The following DLC1 variants were observed in gnomAD, a reference collection of about 807,000 sequenced individuals.
DLC1 encodes rho GTPase-activating protein 7.
In DLC1, 54 loss-of-function variants were observed where a neutral mutation model predicts 140.3. That is an observed-to-expected ratio of 0.38 (90% CI 0.31 to 0.48). DLC1 has a LOEUF of 0.48. Ranked by LOEUF, DLC1 falls within the 20% of genes least tolerant of loss-of-function variation. The probability of loss-of-function intolerance (pLI) is 0.96; values close to 1 mark genes in which losing one functional copy is unlikely to be tolerated. For missense variants in DLC1, 2,536 were observed against 1,907.0 expected (o/e 1.33, Z -6.14); for synonymous variants, 986 against 728.1 (o/e 1.35, Z -5.70).
intron 5 of DLC1, among the ~76,000 whole-genome samples, chr8:13,188,803 A>ATATATATATATATATATATATATGTG (rs1563149520): frequency 3.6e-3 from 151 of 41,392 alleles, no homozygotes; most frequent in Non-Finnish European, 6.1e-3. Context: ...GTGTGTGTGT[A>ATATATATATATATATATATATATGTG]TATATATATA....
chr8:13,237,718 C>T (rs556567293), intron 5 of DLC1, among the ~76,000 whole-genome samples: 24 of 152,164 alleles, frequency 1.6e-4, no homozygotes, highest in South Asian at 4.1e-4. Context: ...TATGCTATTC[C>T]GGGAGATGGT....
At chr8:13,580,639 T>C (rs989174568) in intron 1 of DLC1, among the ~76,000 whole-genome samples, 2 of 152,156 alleles carry the variant, frequency 1.3e-5, no homozygotes, top group African/African-American at 4.8e-5. Context: ...AAACTGACGA[T>C]TGATGCATAT....
At chr8:13,301,223 C>CAAA (rs754993209) in intron 5 of DLC1, among the ~76,000 whole-genome samples, 8,807 of 132,438 alleles carry the variant, frequency 0.066, 264 homozygotes, top group South Asian at 0.13. Flanking sequence ...GTCTAATAGA[C>CAAA]AAAAAAAAAA....
At chr8:13,206,986 G>A (rs1195470164) in intron 5 of DLC1, among the ~76,000 whole-genome samples, 2 of 152,064 alleles carry the variant, frequency 1.3e-5, no homozygotes, top group Non-Finnish European at 2.9e-5. Flanking sequence ...CCAAGATAAA[G>A]ATGTCACTTA....
At chr8:13,523,188 G>T (rs1349333588) in intron 1 of DLC1, among the ~76,000 whole-genome samples, 2 of 152,140 alleles carry the variant, frequency 1.3e-5, no homozygotes, top group Admixed American at 6.5e-5. Context: ...AGGTCACTGT[G>T]GTAATCCAGG....
intron 5 of DLC1, among the ~76,000 whole-genome samples, chr8:13,261,035 G>T (rs1416702296): frequency 6.6e-5 from 10 of 152,196 alleles, no homozygotes; most frequent in African/African-American, 2.4e-4. Flanking sequence ...AGACTAATGT[G>T]TCAGGCACGT....
intron 2 of DLC1, among the ~76,000 whole-genome samples, chr8:13,487,306 A>G (rs1801011997): frequency 6.6e-6 from 1 of 152,204 alleles, no homozygotes; most frequent in Non-Finnish European, 1.5e-5. Context: ...TATTCCTGCC[A>G]TAGGTTTGGG....
Position 13,083,422 on chromosome 8 carries a change from G to T in DLC1, c.*2389C>A, listed in dbSNP as rs60504087. 4 of 152,072 alleles carry T rather than the reference G, an allele frequency of 2.6e-5. No homozygotes were observed. The highest frequency in any genetic ancestry group is 9.7e-5 in the African/African-American group (4 of 41,392). The allele number at this position is 152,072 out of a possible 1,614,324, so 9.4% of individuals were successfully genotyped here. On this transcript the variant is annotated 3_prime_UTR_variant, in exon 18 of 18. Coordinates refer to ENST00000276297, the MANE Select transcript of DLC1 (RefSeq NM_182643.3). ...CAAGTACAAAATACTGAAAGCCGCTGCAGGGGATTATAAAGATGTGTAAGA... is the reference window on the plus strand; with the variant it reads ...CAAGTACAAAATACTGAAAGCCGCTTCAGGGGATTATAAAGATGTGTAAGA...
chr8:13,500,232 T>A (rs950745807), intron 1 of DLC1, 36 bp from the exon 2 acceptor site: 30 of 607,524 alleles, frequency 4.9e-5, no homozygotes, highest in Non-Finnish European at 8.3e-5. Flanking sequence ...TAGTCGCAGA[T>A]ACGTTTCTAA....
At chr8:13,142,714 T>G (rs545871882) in intron 5 of DLC1, among the ~76,000 whole-genome samples, 14 of 152,268 alleles carry the variant, frequency 9.2e-5, no homozygotes, top group Middle Eastern at 3.4e-3. Flanking sequence ...AGAAAACTAT[T>G]CTGAACCCAT....
chr8:13,504,800 C>G (rs146110632), intron 1 of DLC1, among the ~76,000 whole-genome samples: 17 of 152,048 alleles, frequency 1.1e-4, no homozygotes, highest in African/African-American at 4.1e-4. Context: ...TTCTCAAAAG[C>G]TACTGGAGAG....
At chr8:13,379,658 T>G (rs1360816456) in intron 4 of DLC1, among the ~76,000 whole-genome samples, 1 of 152,182 alleles carries the variant, frequency 6.6e-6, no homozygotes, top group African/African-American at 2.4e-5. Flanking sequence ...TTATTTTACT[T>G]CAAGTTCTGG....
At position 13,465,323 on chromosome 8, in the gene DLC1, A is replaced by T. The variant is rs1436229844; in HGVS notation, c.1023+33726T>A. On this transcript the variant is annotated intron_variant, in intron 2 of 17. Coordinates refer to ENST00000276297, the MANE Select transcript of DLC1 (RefSeq NM_182643.3). Reference sequence around the variant, plus strand: ...GGTTACATTTAAGAGATAATGCCAAATTTTTTTCCTAATATTATTGTATCA... The same window carrying T: ...GGTTACATTTAAGAGATAATGCCAATTTTTTTTCCTAATATTATTGTATCA... Among the ~76,000 whole-genome samples the T allele has an allele frequency of 5.9e-5, 9 of 152,172 alleles. No homozygotes were observed. The South Asian group carries it at 1.7e-3, about 28-fold the overall frequency.
At chr8:13,564,279 T>G (rs1042417079) in intron 1 of DLC1, among the ~76,000 whole-genome samples, 4 of 152,076 alleles carry the variant, frequency 2.6e-5, no homozygotes, top group Non-Finnish European at 5.9e-5. Flanking sequence ...ACAAAAAAAT[T>G]GAACAACTAT....
chr8:13,360,790 C>G (rs1359438589), intron 4 of DLC1, among the ~76,000 whole-genome samples: 7 of 151,866 alleles, frequency 4.6e-5, no homozygotes, highest in African/African-American at 2.4e-5. Flanking sequence ...ATCTTACTAC[C>G]CACATACAAA....
In DLC1 at chr8:13,100,540, G is replaced by A; in HGVS notation, c.1797C>T (p.Ser599=). 6.2e-7 allele frequency: 1 copy of A among 1,612,976 alleles called. No homozygotes were observed. Among genetic ancestry groups the A allele is most frequent in the Middle Eastern group, 1.7e-4 (1 of 6,052 alleles). ...GCGCGTGGCTGGGGAGGCTGCCAGTGCTGCTGAGGCTGCGGACGGAAGACA... is the reference window on the plus strand; with the variant it reads ...GCGCGTGGCTGGGGAGGCTGCCAGTACTGCTGAGGCTGCGGACGGAAGACA... ...QEVSSVRSLS[S]TGSLPSHAPP... Residue 599 remains serine (S), a synonymous_variant, in exon 9 of 18, where the codon AGC becomes AGT. Coordinates refer to ENST00000276297, the MANE Select transcript of DLC1 (RefSeq NM_182643.3).
intron 2 of DLC1, among the ~76,000 whole-genome samples, chr8:13,493,997 G>A (rs976680710): frequency 6.6e-5 from 10 of 152,050 alleles, no homozygotes; most frequent in Admixed American, 6.6e-4. Context: ...GAGATGTAAA[G>A]TACAGTATGT....
intron 4 of DLC1, among the ~76,000 whole-genome samples, chr8:13,332,827 T>C (rs899195240): frequency 3.9e-5 from 6 of 152,206 alleles, no homozygotes; most frequent in Admixed American, 3.9e-4. Flanking sequence ...ACAGAATTAA[T>C]ATAGTTTATT....
chr8:13,155,132 CTTTT>C (rs34191257), intron 5 of DLC1, among the ~76,000 whole-genome samples: 1 of 145,130 alleles, frequency 6.9e-6, no homozygotes, highest in Admixed American at 6.9e-5. Context: ...ACTTGCGCTG[CTTTT>C]TTTTTTTTTT....
Sources: allele counts gnomAD v4.1 joint callset (sites outside exome capture counted in the v4.1 genomes callset), GRCh38; gene constraint gnomAD v4.1.1; transcripts MANE v1.5; gene names NCBI Gene and HGNC (gene_info 2026-07-23, HGNC 2026-07-21).